RYR2: variants seen among roughly 807,000 people sequenced by gnomAD.
The protein encoded by RYR2 is ryanodine receptor 2.
Under a neutral mutation model 601.1 loss-of-function variants are expected in RYR2, and 227 were observed. The ratio of observed to expected loss-of-function variants is 0.38; its 90% CI spans 0.34 to 0.42. RYR2 has a LOEUF of 0.42. Ranked by LOEUF, RYR2 falls within the 10% of genes least tolerant of loss-of-function variation. The pLI is 1.00. For missense variants in RYR2, 4,646 were observed against 6,156.5 expected, an observed-to-expected ratio of 0.75 and a Z score of 8.21; for synonymous variants, 2,223 against 2,175.1, an observed-to-expected ratio of 1.02 and a Z score of -0.61.
At chr1:237,380,231 CAAGA>C (rs1436483303) in intron 8 of RYR2, among the ~76,000 whole-genome samples, 2 of 150,284 alleles carry the variant, frequency 1.3e-5, no homozygotes, top group African/African-American at 4.9e-5. Context: ...ACTGAAAGAT[CAAGA>C]AGTGAGTTCG....
chr1:237,375,404 T>C (rs548292990), intron 7 of RYR2, among the ~76,000 whole-genome samples: 224 of 152,324 alleles, frequency 1.5e-3, no homozygotes, highest in Non-Finnish European at 2.6e-3. Context: ...GACTGTTTTG[T>C]CTTTTACAAT....
intron 60 of RYR2, among the ~76,000 whole-genome samples, chr1:237,676,993 A>G (rs1685456679): frequency 6.6e-6 from 1 of 152,188 alleles, no homozygotes; most frequent in African/African-American, 2.4e-5. Context: ...TTCAAATGCC[A>G]AAGTGCCATG....
intron 63 of RYR2, among the ~76,000 whole-genome samples, chr1:237,694,006 A>G (rs1057031506): frequency 3.3e-5 from 5 of 152,194 alleles, no homozygotes; most frequent in Middle Eastern, 3.2e-3. Flanking sequence ...ATAATAAAAG[A>G]AAAATTGGCC....
Position 237,415,979 on chromosome 1 carries a change from C to T in RYR2, c.774-1070C>T, listed in dbSNP as rs144611443. On this transcript the variant is annotated intron_variant, in intron 10 of 104. Coordinates refer to ENST00000366574, the MANE Select transcript of RYR2 (RefSeq NM_001035.3). Reference sequence around the variant, plus strand: ...CGGATTTATTTTAATATTCTCTTTACGTATATTTGAAACATTCCACAATAA... The same window carrying T: ...CGGATTTATTTTAATATTCTCTTTATGTATATTTGAAACATTCCACAATAA... 5.1e-3 allele frequency among the ~76,000 whole-genome samples: 776 copies of T among 152,058 alleles called. 5 individuals carry two copies. The highest frequency in any genetic ancestry group is 0.017 in the African/African-American group (721 of 41,448).
intron 2 of RYR2, among the ~76,000 whole-genome samples, chr1:237,325,383 T>C (rs1371324526): frequency 6.6e-6 from 1 of 152,210 alleles, no homozygotes; most frequent in Non-Finnish European, 1.5e-5. Flanking sequence ...TATGTATACA[T>C]GTAAATGCAT....
At chr1:237,641,823 T>C (rs1022705566) in intron 47 of RYR2, among the ~76,000 whole-genome samples, 2 of 152,256 alleles carry the variant, frequency 1.3e-5, no homozygotes, top group African/African-American at 4.8e-5. Context: ...CTTACAGGCG[T>C]GAGCCAGCGT....
At chr1:237,741,983 G>T (rs1401948044) in intron 79 of RYR2, among the ~76,000 whole-genome samples, 1 of 152,304 alleles carries the variant, frequency 6.6e-6, no homozygotes, top group East Asian at 1.9e-4. Flanking sequence ...ATCCTTTTAA[G>T]GTTTGCAGTT....
At chr1:237,731,624 G>A (rs1690686570) in intron 77 of RYR2, among the ~76,000 whole-genome samples, 1 of 152,040 alleles carries the variant, frequency 6.6e-6, no homozygotes, top group African/African-American at 2.4e-5. Context: ...TTATGAAAAT[G>A]CTTATAAGAA....
In RYR2 at chr1:237,500,885, G is replaced by T. The variant is rs1365544010; in HGVS notation, c.2378G>T (p.Ser793Ile). The T allele has an allele frequency of 3.1e-6, 5 of 1,613,982 alleles. No individual in the cohort carries two copies. Among genetic ancestry groups the T allele is most frequent in the Non-Finnish European group, 4.2e-6 (5 of 1,179,880 alleles). ...NIDGLFFPVV[S>I]FSAGIKVRFL... ...GATGGCCTCTTCTTTCCAGTCGTTA[G>T]TTTCTCTGCAGGAATAAAGTTAGTA... The change falls in exon 21 of 105, where the codon AGT becomes ATT. Residue 793 changes from serine to isoleucine, a missense_variant. Around this residue, in one of 17 missense-constraint regions of RYR2, gnomAD observed 1,807 missense variants for 2,088.1 expected, o/e 0.87. Transcript: ENST00000366574.
At chr1:237,613,864 C>T (rs1048797538) in intron 36 of RYR2, among the ~76,000 whole-genome samples, 175 bp from the exon 37 acceptor site, 2 of 152,106 alleles carry the variant, frequency 1.3e-5, no homozygotes, top group Non-Finnish European at 2.9e-5. Flanking sequence ...GAATAAAGTC[C>T]CAAATCCAAA....
intron 17 of RYR2, among the ~76,000 whole-genome samples, chr1:237,479,005 G>A (rs960216736): frequency 2.0e-5 from 3 of 152,208 alleles, no homozygotes; most frequent in Non-Finnish European, 2.9e-5. Context: ...AAGTGAAAGT[G>A]TTTTCTGGAG....
At chr1:237,653,180 A>G (rs1682932814) in intron 51 of RYR2, among the ~76,000 whole-genome samples, 1 of 152,218 alleles carries the variant, frequency 6.6e-6, no homozygotes, top group African/African-American at 2.4e-5. Flanking sequence ...GTAGACAATC[A>G]GTAAAGTAAT....
At chr1:237,446,740 G>C (rs899324980) in intron 14 of RYR2, among the ~76,000 whole-genome samples, 1 of 152,038 alleles carries the variant, frequency 6.6e-6, no homozygotes, top group Admixed American at 6.6e-5. Flanking sequence ...TTTCTGCCTC[G>C]TCTCAACTCC....
At chr1:237,183,160 A>G (rs1374982831) in intron 1 of RYR2, among the ~76,000 whole-genome samples, 4 of 152,140 alleles carry the variant, frequency 2.6e-5, no homozygotes, top group Non-Finnish European at 5.9e-5. Flanking sequence ...GTCACCACCA[A>G]TCCTTCTCTT....
intron 75 of RYR2, 117 bp downstream of exon 75, chr1:237,726,425 G>A: frequency 1.5e-6 from 1 of 678,206 alleles, no homozygotes; most frequent in Non-Finnish European, 2.6e-6. Flanking sequence ...AACACTATTA[G>A]TTATATAAAT....
At chr1:237,243,916 T>A (rs1686485639) in intron 1 of RYR2, among the ~76,000 whole-genome samples, 1 of 152,220 alleles carries the variant, frequency 6.6e-6, no homozygotes, top group African/African-American at 2.4e-5. Context: ...TCACACATTA[T>A]GCCAGCTGTG....
chr1:237,803,941 C>CACTT (rs1038233261), intron 98 of RYR2, among the ~76,000 whole-genome samples: 2 of 152,198 alleles, frequency 1.3e-5, no homozygotes, highest in South Asian at 4.1e-4. Flanking sequence ...ATGGCTTTGC[C>CACTT]ACTTACAATG....
chr1:237,175,056 C>T (rs1677867142), intron 1 of RYR2, among the ~76,000 whole-genome samples: 1 of 152,140 alleles, frequency 6.6e-6, no homozygotes, highest in Non-Finnish European at 1.5e-5. Context: ...TGTATAACTT[C>T]CAAATGAATC....
chr1:237,366,610 A>C (rs1700214167), intron 5 of RYR2, among the ~76,000 whole-genome samples: 1 of 152,040 alleles, frequency 6.6e-6, no homozygotes, highest in Admixed American at 6.6e-5. Context: ...AAAAACAAAA[A>C]AAGCAAACCA....
Sources: allele counts gnomAD v4.1 joint callset (sites outside exome capture counted in the v4.1 genomes callset), GRCh38; gene constraint gnomAD v4.1.1; regional missense constraint gnomAD v4.1.1; transcripts MANE v1.5; gene names NCBI Gene and HGNC (gene_info 2026-07-23, HGNC 2026-07-21).